Variants in ELMO1 observed in about 807,000 individuals in gnomAD.
ELMO1 encodes engulfment and cell motility protein 1.
ELMO1 carries 26 observed loss-of-function variants against 98.9 expected under a neutral mutation model. That is an observed-to-expected ratio of 0.26 (90% confidence interval 0.19 to 0.36). The LOEUF (loss-of-function observed/expected upper bound fraction) is 0.36. Among genes scored for constraint, ELMO1 ranks in the 10% least tolerant of loss-of-function variants. ELMO1 has a pLI of 1.00. For synonymous variants in ELMO1, 346 were observed against 346.0 expected, an observed-to-expected ratio of 1.00 and a Z score of 0.00; for missense variants, 627 against 935.2, an observed-to-expected ratio of 0.67 and a Z score of 4.30.
chr7:37,335,566 T>A (rs1485324178), intron 2 of ELMO1, among the ~76,000 whole-genome samples: 1 of 152,152 alleles, frequency 6.6e-6, no homozygotes, highest in Non-Finnish European at 1.5e-5. Context: ...TCTATTTTTT[T>A]AAACTGATAA....
intron 6 of ELMO1, among the ~76,000 whole-genome samples, chr7:37,251,664 C>T (rs542764426): frequency 3.3e-5 from 5 of 152,280 alleles, no homozygotes; most frequent in African/African-American, 1.2e-4. Context: ...CCTTTGAAAA[C>T]GGGCACAAGA....
chr7:37,366,657 C>T (rs1164605504), intron 1 of ELMO1, among the ~76,000 whole-genome samples: 2 of 152,222 alleles, frequency 1.3e-5, no homozygotes, highest in African/African-American at 2.4e-5. Flanking sequence ...GCCTCTACCA[C>T]AAAGGAAACT....
intron 10 of ELMO1, 94 bp downstream of exon 10, chr7:37,222,521 G>T: frequency 1.7e-6 from 2 of 1,211,010 alleles, no homozygotes; most frequent in Non-Finnish European, 2.4e-6. Context: ...TAGCAGAGAG[G>T]CCCAATGAGT....
intron 1 of ELMO1, among the ~76,000 whole-genome samples, chr7:37,366,216 T>G (rs1327886866): frequency 6.6e-6 from 1 of 152,174 alleles, no homozygotes. Context: ...CGCCATATCC[T>G]TTCGGTGGTC....
intron 13 of ELMO1, among the ~76,000 whole-genome samples, chr7:37,208,388 G>T (rs189440488): frequency 3.7e-4 from 56 of 152,340 alleles, no homozygotes; most frequent in Admixed American, 1.2e-3. Context: ...GTCATGTAAT[G>T]CTTGCTGGGC....
intron 15 of ELMO1, among the ~76,000 whole-genome samples, chr7:37,063,007 C>G (rs1796749321): frequency 6.6e-6 from 1 of 152,166 alleles, no homozygotes; most frequent in African/African-American, 2.4e-5. Flanking sequence ...GACACAGCTC[C>G]CCTACACATG....
chr7:36,879,197 G>C (rs746398526), intron 18 of ELMO1, among the ~76,000 whole-genome samples: 3 of 152,198 alleles, frequency 2.0e-5, no homozygotes, highest in Non-Finnish European at 2.9e-5. Context: ...CAGTCTCTCC[G>C]ATGACAGTCA....
At chr7:37,233,341 CATGAGTGACATGAAGGGGCAG>C in intron 7 of ELMO1, 147 bp from the exon 8 acceptor site, 1 of 657,852 alleles carries the variant, frequency 1.5e-6, no homozygotes, top group Admixed American at 3.0e-5. Flanking sequence ...TCTTCACTAA[CATGAGTGACATGAAGGGGCAG>C]GACGGCCTTG....
chr7:36,909,508 T>C (rs79608321), intron 16 of ELMO1, among the ~76,000 whole-genome samples: 414 of 152,340 alleles, frequency 2.7e-3, no homozygotes, highest in African/African-American at 9.3e-3. Context: ...CGATCAAAGA[T>C]TTTAGGAGCA....
In ELMO1 at chr7:37,211,531, G is replaced by A. The variant is rs369151611; in HGVS notation, c.955-14C>T. 1.3e-5 allele frequency: 21 copies of A among 1,611,814 alleles called. No individual in the cohort carries two copies. Among genetic ancestry groups the A allele is most frequent in the Middle Eastern group, 3.3e-4 (2 of 6,038 alleles). ...GTCCCTCTGAGCCTGAAGGAATCAGGGAGTAAAAAGAAAAGGGAGGGGAAA... is the reference window on the plus strand; with the variant it reads ...GTCCCTCTGAGCCTGAAGGAATCAGAGAGTAAAAAGAAAAGGGAGGGGAAA... On this transcript the variant is annotated splice_polypyrimidine_tract_variant and intron_variant, in intron 12 of 21. Transcript: ENST00000310758.
intron 15 of ELMO1, among the ~76,000 whole-genome samples, chr7:37,018,819 C>T (rs140411879): frequency 1.3e-5 from 2 of 152,278 alleles, no homozygotes; most frequent in African/African-American, 4.8e-5. Flanking sequence ...GCTTAGTAAA[C>T]GGTGGCTATT....
intron 8 of ELMO1, among the ~76,000 whole-genome samples, chr7:37,228,799 G>A (rs531348830): frequency 3.3e-5 from 5 of 151,994 alleles, no homozygotes; most frequent in Non-Finnish European, 7.4e-5. Flanking sequence ...TCAGGAGATC[G>A]GCTAACATGG....
chr7:37,141,780 T>C (rs1343062771), intron 13 of ELMO1, among the ~76,000 whole-genome samples: 1 of 134,004 alleles, frequency 7.5e-6, no homozygotes, highest in Non-Finnish European at 1.6e-5. Flanking sequence ...ACTTTGGTGC[T>C]GGAAGGCCTT....
chr7:37,225,404 T>TA (rs1029369913), intron 8 of ELMO1, among the ~76,000 whole-genome samples: 1 of 152,210 alleles, frequency 6.6e-6, no homozygotes, highest in Admixed American at 6.5e-5. Flanking sequence ...CAACATATGT[T>TA]AATTGCCATT....
intron 16 of ELMO1, among the ~76,000 whole-genome samples, chr7:36,937,979 C>T (rs1205827325): frequency 6.6e-6 from 1 of 152,202 alleles, no homozygotes; most frequent in South Asian, 2.1e-4. Context: ...ATAATGTCTG[C>T]TTATGGTCGC....
chr7:37,054,656 T>C (rs899403834), intron 15 of ELMO1, among the ~76,000 whole-genome samples: 4 of 152,230 alleles, frequency 2.6e-5, no homozygotes, highest in Non-Finnish European at 4.4e-5. Context: ...TTCTGTTTAT[T>C]CATACTACAC....
At chr7:37,314,438 G>C (rs868241980) in intron 4 of ELMO1, among the ~76,000 whole-genome samples, 65 of 152,102 alleles carry the variant, frequency 4.3e-4, no homozygotes, top group African/African-American at 1.4e-3. Flanking sequence ...CACTCTTAGT[G>C]CCTACATACA....
intron 15 of ELMO1, among the ~76,000 whole-genome samples, chr7:37,095,947 C>T (rs1321096282): frequency 1.3e-5 from 2 of 152,184 alleles, no homozygotes; most frequent in Non-Finnish European, 2.9e-5. Flanking sequence ...GAAGGTTCAA[C>T]ATCGACAATG....
chr7:37,356,301 C>T (rs1403631149), intron 1 of ELMO1, among the ~76,000 whole-genome samples: 1 of 152,032 alleles, frequency 6.6e-6, no homozygotes. Context: ...GATTTATAGT[C>T]CTTTGGGTAT....
Sources: allele counts gnomAD v4.1 joint callset (sites outside exome capture counted in the v4.1 genomes callset), GRCh38; gene constraint gnomAD v4.1.1; transcripts MANE v1.5; gene names NCBI Gene and HGNC (gene_info 2026-07-23, HGNC 2026-07-21).